LUZP2: variants seen among roughly 807,000 people sequenced by gnomAD.
LUZP2 encodes leucine zipper protein 2.
Under a neutral mutation model 51.6 loss-of-function variants are expected in LUZP2, and 52 were observed. The observed-to-expected ratio is 1.01, with a 90% CI of 0.81 to 1.27. The LOEUF is 1.27. Among genes scored for constraint, LUZP2 ranks in the 50% most tolerant of loss-of-function variants. The pLI, the probability that LUZP2 is intolerant of heterozygous loss-of-function variation, is 0.00. For missense variants in LUZP2, 436 were observed against 395.4 expected (o/e 1.10, Z -0.87); for synonymous variants, 154 against 137.3 (o/e 1.12, Z -0.85).
At chr11:24,895,081 AAGTC>A (rs1198263511) in intron 5 of LUZP2, among the ~76,000 whole-genome samples, 3 of 152,170 alleles carry the variant, frequency 2.0e-5, no homozygotes, top group Non-Finnish European at 4.4e-5. Flanking sequence ...AATCCCTTGA[AAGTC>A]AGTCTGTTTG....
intron 6 of LUZP2, among the ~76,000 whole-genome samples, chr11:24,911,236 T>C (rs961134789): frequency 6.6e-6 from 1 of 151,956 alleles, no homozygotes; most frequent in African/African-American, 2.4e-5. Context: ...AGATGAGATG[T>C]TGGACTTGGA....
At chr11:25,047,803 T>C (rs1025503690) in intron 9 of LUZP2, among the ~76,000 whole-genome samples, 4 of 152,276 alleles carry the variant, frequency 2.6e-5, no homozygotes, top group African/African-American at 9.6e-5. Flanking sequence ...ATACCTCTGA[T>C]TTGAAATATC....
At chr11:25,018,829 A>G (rs899640268) in intron 9 of LUZP2, among the ~76,000 whole-genome samples, 2 of 152,002 alleles carry the variant, frequency 1.3e-5, no homozygotes, top group African/African-American at 4.8e-5. Flanking sequence ...GCTTGCCTTG[A>G]ACTCCTGGCC....
rs927135695 is a variant in LUZP2, at chr11:25,076,221, T to C, written c.859-1108T>C. 3.0e-4 allele frequency among the ~76,000 whole-genome samples: 46 copies of C among 152,122 alleles called. 1 individual carries two copies. The highest frequency in any genetic ancestry group is 9.9e-4 in the African/African-American group (41 of 41,506). On this transcript the variant is annotated intron_variant, in intron 10 of 11. Transcript: ENST00000336930. Reference sequence around the variant, plus strand: ...GTTCTTGTTTTCGTTTTTGTTTTTGTTTTTGTAAAGAGAATGTTTCACCAT... The same window carrying C: ...GTTCTTGTTTTCGTTTTTGTTTTTGCTTTTGTAAAGAGAATGTTTCACCAT...
intron 1 of LUZP2, among the ~76,000 whole-genome samples, chr11:24,666,266 G>A (rs1405528090): frequency 6.6e-6 from 1 of 152,116 alleles, no homozygotes. Context: ...TAGAGATGGG[G>A]ATCTGCAGGG....
At chr11:24,729,661 T>C (rs1299122974) in intron 2 of LUZP2, among the ~76,000 whole-genome samples, 1 of 151,974 alleles carries the variant, frequency 6.6e-6, no homozygotes, top group Non-Finnish European at 1.5e-5. Flanking sequence ...TAAGATTCTT[T>C]AATAAACCAC....
chr11:25,006,511 A>T (rs1407526897), intron 9 of LUZP2, among the ~76,000 whole-genome samples: 2 of 152,140 alleles, frequency 1.3e-5, no homozygotes, highest in African/African-American at 4.8e-5. Flanking sequence ...ACAACTCCAA[A>T]GATTTGGGGG....
chr11:24,652,929 C>G lies in LUZP2; in HGVS notation c.63-76240C>G, dbSNP rs182601236. ...GCAAAAATATCAAAATTTAAGTAACCTTTATTGGATTCTTTTTGCTACAAT... is the reference window on the plus strand; with the variant it reads ...GCAAAAATATCAAAATTTAAGTAACGTTTATTGGATTCTTTTTGCTACAAT... On this transcript the variant is annotated intron_variant, in intron 1 of 11. Coordinates refer to ENST00000336930, the MANE Select transcript of LUZP2 (RefSeq NM_001009909.4). Among the ~76,000 whole-genome samples the G allele has an allele frequency of 3.0e-4, 45 of 152,026 alleles. No homozygotes were observed. The East Asian group carries it at 8.3e-3, about 28-fold the overall frequency.
intron 5 of LUZP2, among the ~76,000 whole-genome samples, chr11:24,845,318 A>G (rs564297316): frequency 6.6e-6 from 1 of 152,318 alleles, no homozygotes; most frequent in East Asian, 1.9e-4. Context: ...TGAGACTTAT[A>G]TAGCCTCTTT....
chr11:24,858,834 T>A (rs1481466465), intron 5 of LUZP2, among the ~76,000 whole-genome samples: 2 of 152,178 alleles, frequency 1.3e-5, no homozygotes, highest in East Asian at 3.9e-4. Context: ...CAATATAGGC[T>A]CTGCCAAAAT....
At chr11:24,626,844 G>A (rs1854701976) in intron 1 of LUZP2, among the ~76,000 whole-genome samples, 1 of 151,978 alleles carries the variant, frequency 6.6e-6, no homozygotes, top group Admixed American at 6.6e-5. Flanking sequence ...TATAATGGCT[G>A]AAAAAAATCA....
chr11:24,620,326 A>G (rs1381898852), intron 1 of LUZP2, among the ~76,000 whole-genome samples: 1 of 152,198 alleles, frequency 6.6e-6, no homozygotes, highest in Non-Finnish European at 1.5e-5. Flanking sequence ...GTTATGTTCA[A>G]ATAAACTTTT....
At chr11:24,969,219 T>C (rs990096204) in intron 7 of LUZP2, among the ~76,000 whole-genome samples, 1 of 152,168 alleles carries the variant, frequency 6.6e-6, no homozygotes, top group Non-Finnish European at 1.5e-5. Context: ...TGTTCCTATG[T>C]TCTTATCATT....
chr11:24,652,558 G>A (rs1358766020), intron 1 of LUZP2, among the ~76,000 whole-genome samples: 1 of 152,062 alleles, frequency 6.6e-6, no homozygotes, highest in Non-Finnish European at 1.5e-5. Flanking sequence ...ATGTCCTCAT[G>A]CAAAGTGAAA....
intron 1 of LUZP2, among the ~76,000 whole-genome samples, chr11:24,602,541 G>T (rs1036005920): frequency 4.6e-5 from 7 of 151,190 alleles, no homozygotes; most frequent in Non-Finnish European, 8.9e-5. Flanking sequence ...CCTATTAGAA[G>T]ATTTAGACTC....
chr11:24,553,128 C>T (rs565701324), intron 1 of LUZP2, among the ~76,000 whole-genome samples: 1 of 151,444 alleles, frequency 6.6e-6, no homozygotes, highest in East Asian at 1.9e-4. Flanking sequence ...AGAATTTAGA[C>T]AGTATATCTG....
intron 5 of LUZP2, among the ~76,000 whole-genome samples, chr11:24,840,289 T>C (rs538380434): frequency 6.6e-6 from 1 of 151,990 alleles, no homozygotes; most frequent in East Asian, 1.9e-4. Flanking sequence ...AAGACAAATG[T>C]CAGCAGGTTC....
intron 10 of LUZP2, among the ~76,000 whole-genome samples, chr11:25,068,599 TG>T (rs1179848410): frequency 6.6e-6 from 1 of 152,014 alleles, no homozygotes; most frequent in East Asian, 1.9e-4. Context: ...ATGACATGTT[TG>T]AACAAGTATT....
chr11:24,552,270 A>G (rs1851745115), intron 1 of LUZP2, among the ~76,000 whole-genome samples: 2 of 152,066 alleles, frequency 1.3e-5, no homozygotes, highest in African/African-American at 2.4e-5. Flanking sequence ...TCATGTAAGT[A>G]TATGTCATCT....
Sources: gnomAD v4.1 joint callset for allele counts (sites outside exome capture counted in the v4.1 genomes callset) on GRCh38, gnomAD v4.1.1 for gene constraint, MANE v1.5 for transcripts, NCBI Gene and HGNC (gene_info 2026-07-23, HGNC 2026-07-21) for gene names.